Variants in CMIP observed in about 807,000 individuals in gnomAD.
CMIP encodes the protein C-Maf-inducing protein.
CMIP carries 13 observed loss-of-function variants against 97.3 expected under a neutral mutation model. That is an observed-to-expected ratio of 0.13 (90% CI 0.09 to 0.21). The LOEUF is 0.21. Among genes scored for constraint, CMIP ranks in the 10% least tolerant of loss-of-function variants. CMIP has a pLI of 1.00. For missense variants in CMIP, 847 were observed against 1,024.9 expected (o/e 0.83, Z 2.37); for synonymous variants, 538 against 436.3 (o/e 1.23, Z -2.91).
At chr16:81,692,571 T>C (rs1022248126) in intron 11 of CMIP, among the ~76,000 whole-genome samples, 1 of 152,206 alleles carries the variant, frequency 6.6e-6, no homozygotes. Flanking sequence ...ATGCTGCCTC[T>C]GTAAGGGCAC....
At chr16:81,533,790 T>G (rs2090287588) in intron 1 of CMIP, 1 of 152,272 alleles carries the variant, frequency 6.6e-6, no homozygotes, top group South Asian at 2.1e-4. Flanking sequence ...ATGTGCTTTA[T>G]TTTTACAATC....
intron 3 of CMIP, chr16:81,645,902 A>T: frequency 2.2e-6 from 1 of 464,342 alleles, no homozygotes; most frequent in East Asian, 3.8e-5. Context: ...TGATTTGCAG[A>T]CAAGGAAACT....
At chr16:81,696,473 C>G in intron 13 of CMIP, 87 bp from the exon 14 acceptor site, 2 of 1,333,918 alleles carry the variant, frequency 1.5e-6, no homozygotes, top group Non-Finnish European at 2.1e-6. Flanking sequence ...CTTGCCTGAG[C>G]CTTTCCCATT....
In CMIP at chr16:81,582,368, C is replaced by A. The variant is rs118039493; in HGVS notation, c.301-25199C>A. Among the ~76,000 whole-genome samples, 1,258 of 152,254 alleles carry A rather than the reference C, an allele frequency of 8.3e-3. 8 individuals are homozygous for A. Among genetic ancestry groups the A allele is most frequent in the Non-Finnish European group, 0.014 (964 of 68,028 alleles). On this transcript the variant is annotated intron_variant, in intron 1 of 20. Transcript: ENST00000537098. ...CTCCTTGAGCGTGACAGGGCCAAGGCAGTGCTTCTGAAAGCCACTTATCAG... is the reference window on the plus strand; with the variant it reads ...CTCCTTGAGCGTGACAGGGCCAAGGAAGTGCTTCTGAAAGCCACTTATCAG...
At chr16:81,648,016 C>T (rs1281929674) in intron 3 of CMIP, among the ~76,000 whole-genome samples, 1 of 130,858 alleles carries the variant, frequency 7.6e-6, no homozygotes, top group Non-Finnish European at 1.6e-5. Context: ...CCTCCCCCCG[C>T]ACCCGCAGAG....
intron 1 of CMIP, chr16:81,518,643 G>T (rs964876590): frequency 5.3e-5 from 8 of 152,322 alleles, no homozygotes; most frequent in African/African-American, 1.9e-4. Context: ...CCACTAGCCA[G>T]CTGGGACTCA....
chr16:81,610,158 A>G (rs1367232009), intron 2 of CMIP: 1 of 236,050 alleles, frequency 4.2e-6, no homozygotes, highest in Admixed American at 6.5e-5. Flanking sequence ...CCAGAGCATC[A>G]CTCGCCACAG....
rs577686237 is a variant in CMIP, at chr16:81,662,787, A to T, written c.745-1482A>T. On this transcript the variant is annotated intron_variant, in intron 6 of 20. Transcript: ENST00000537098. ...AAGGGCTTCCTTTCCAGTATGAAAA[A>T]CAAAACACCGCGCTGGTGATGAATT... Among the ~76,000 whole-genome samples the T allele has an allele frequency of 2.0e-5, 3 of 152,302 alleles. No individual in the cohort carries two copies. The East Asian group carries it at 5.8e-4, about 29-fold the overall frequency.
intron 2 of CMIP, chr16:81,618,514 C>G (rs2091951250): frequency 6.6e-6 from 1 of 152,232 alleles, no homozygotes; most frequent in Non-Finnish European, 1.5e-5. Flanking sequence ...TTACCACCTC[C>G]TTCTCTCTCT....
chr16:81,654,321 CTTGGCCTCCCA>C (rs2092460892), intron 4 of CMIP, among the ~76,000 whole-genome samples: 1 of 152,146 alleles, frequency 6.6e-6, no homozygotes. Context: ...ATCCTCCCAC[CTTGGCCTCCCA>C]AAGTGCTGGG....
At chr16:81,665,101 A>G (rs1288714828) in intron 7 of CMIP, 1 of 152,264 alleles carries the variant, frequency 6.6e-6, no homozygotes, top group African/African-American at 2.4e-5. Flanking sequence ...GAAAAGGGAC[A>G]TGAAGGGAAA....
At chr16:81,591,855 C>T (rs1180902843) in intron 1 of CMIP, among the ~76,000 whole-genome samples, 1 of 150,462 alleles carries the variant, frequency 6.6e-6, no homozygotes, top group Non-Finnish European at 1.5e-5. Context: ...GACAGGGTCT[C>T]GTGCTGTCAC....
rs745708473 is a variant in CMIP, at chr16:81,699,780, G to A, written c.1734G>A (p.Arg578=). 1.1e-5 allele frequency: 17 copies of A among 1,612,756 alleles called. No homozygotes were observed. The highest frequency in any genetic ancestry group is 1.4e-5 in the Non-Finnish European group (16 of 1,179,238). ...GTCCCTGCATGCTCCTGGCACTGAG[G>A]GGGAACCAGACCATGGTGGAGGTAA... The part of the protein sequence containing the change: ...KLGPCMLLAL[R]GNQTMVEILC... The change falls in exon 15 of 21, where the codon AGG becomes AGA. Residue 578 remains arginine (R), a synonymous_variant. Transcript: ENST00000537098.
At chr16:81,675,822 G>T (rs1904298976) in intron 9 of CMIP, among the ~76,000 whole-genome samples, 1 of 152,210 alleles carries the variant, frequency 6.6e-6, no homozygotes, top group Non-Finnish European at 1.5e-5. Flanking sequence ...GACTCTCTAG[G>T]GTTGGAGTTA....
At chr16:81,623,395 A>G (rs919564401) in intron 3 of CMIP, among the ~76,000 whole-genome samples, 1 of 152,208 alleles carries the variant, frequency 6.6e-6, no homozygotes, top group African/African-American at 2.4e-5. Context: ...GAAAACCTAA[A>G]TCAGGATGTC....
chr16:81,490,578 C>T (rs914527815), intron 1 of CMIP, among the ~76,000 whole-genome samples: 2 of 152,120 alleles, frequency 1.3e-5, no homozygotes, highest in Non-Finnish European at 2.9e-5. Flanking sequence ...CGGGATTACG[C>T]CATCGCACTC....
intron 1 of CMIP, among the ~76,000 whole-genome samples, chr16:81,493,090 A>G (rs115561898): frequency 0.022 from 3,407 of 152,192 alleles, 129 homozygotes; most frequent in African/African-American, 0.078. Flanking sequence ...GGGAAGCTGT[A>G]GGTTGGAGCT....
At chr16:81,666,969 T>TGGG (rs35053029) in intron 7 of CMIP, 4 of 139,878 alleles carry the variant, frequency 2.9e-5, no homozygotes, top group African/African-American at 8.0e-5. Flanking sequence ...TCAGCTGGTG[T>TGGG]GGGGGGGGGG....
At position 81,492,176 on chromosome 16, in the gene CMIP, C is replaced by T. The variant is rs565691585; in HGVS notation, c.300+46635C>T. 7.9e-5 allele frequency among the ~76,000 whole-genome samples: 12 copies of T among 152,304 alleles called. No individual in the cohort carries two copies. The East Asian group carries it at 1.9e-3, about 24-fold the overall frequency. Reference sequence around the variant, plus strand: ...TGAACATTTTGATGGCTTTGGATATCGATGAGGCTCTCTTGCTTTCCCGCA... The same window carrying T: ...TGAACATTTTGATGGCTTTGGATATTGATGAGGCTCTCTTGCTTTCCCGCA... On this transcript the variant is annotated intron_variant, in intron 1 of 20. Transcript: ENST00000537098.
Sources: gnomAD v4.1 joint callset for allele counts (sites outside exome capture counted in the v4.1 genomes callset) on GRCh38, gnomAD v4.1.1 for gene constraint, MANE v1.5 for transcripts, NCBI Gene and HGNC (gene_info 2026-07-23, HGNC 2026-07-21) for gene names.